Variants in OSBPL1A observed in about 807,000 individuals in gnomAD.
OSBPL1A encodes oxysterol binding protein like 1A.
A neutral mutation model predicts 137.1 loss-of-function variants in OSBPL1A; 80 were observed. That is an observed-to-expected ratio of 0.58 (90% CI 0.49 to 0.70). The LOEUF is 0.70. OSBPL1A is among the 30% of genes least tolerant of loss of function. The pLI is 0.00. For missense variants in OSBPL1A, 970 were observed against 1,129.4 expected, an observed-to-expected ratio of 0.86 and a Z score of 2.02; for synonymous variants, 365 against 389.7, an observed-to-expected ratio of 0.94 and a Z score of 0.75.
At chr18:24,323,294 T>C (rs2090900941) in intron 7 of OSBPL1A, among the ~76,000 whole-genome samples, 2 of 152,008 alleles carry the variant, frequency 1.3e-5, no homozygotes, top group African/African-American at 4.8e-5. Flanking sequence ...GGCTCATGCC[T>C]GTAATCCCAG....
intron 4 of OSBPL1A, chr18:24,357,036 G>A (rs900235289): frequency 2.0e-4 from 31 of 152,178 alleles, no homozygotes; most frequent in African/African-American, 5.8e-4. Context: ...TACAGCTTCC[G>A]CCTCATGCCA....
At chr18:24,180,793 C>A (rs184335505) in intron 19 of OSBPL1A, among the ~76,000 whole-genome samples, 220 of 152,100 alleles carry the variant, frequency 1.4e-3, no homozygotes, top group African/African-American at 4.9e-3. Context: ...AGGAGAATGG[C>A]GGGAACCTGG....
rs1176458223 is a variant in OSBPL1A at position 24,315,761 on chromosome 18, G to C, written c.870+1388C>G. Among the ~76,000 whole-genome samples the C allele has an allele frequency of 8.5e-5, 9 of 105,852 alleles. 1 individual carries two copies. The South Asian group carries it at 1.8e-3, about 21-fold the overall frequency. The allele number at this position is 105,852 out of a possible 152,430, so 69.4% of individuals were successfully genotyped here. A position where few individuals can be genotyped will look rare whatever the true frequency, so the allele number is the denominator to read the frequency against. The stretch of plus-strand genomic sequence containing the variant: ...AATAAAATATATAATATAATATATA[G>C]TATATATTATATAATAAAAAATATA... On this transcript the variant is annotated intron_variant, in intron 11 of 27. Transcript: ENST00000319481.
chr18:24,312,821 T>C (rs78694281), intron 12 of OSBPL1A, among the ~76,000 whole-genome samples: 2,432 of 152,308 alleles, frequency 0.016, 61 homozygotes, highest in African/African-American at 0.056. Context: ...GATATGTCTA[T>C]GAACACTGCT....
chr18:24,175,139 C>CGTAT (rs1567920404), intron 21 of OSBPL1A, among the ~76,000 whole-genome samples: 7 of 119,836 alleles, frequency 5.8e-5, no homozygotes, highest in African/African-American at 3.0e-4. Context: ...TATATATACA[C>CGTAT]ATATATATAT....
At chr18:24,360,711 C>T (rs144026783) in intron 4 of OSBPL1A, among the ~76,000 whole-genome samples, 518 of 152,260 alleles carry the variant, frequency 3.4e-3, no homozygotes, top group African/African-American at 0.012. Flanking sequence ...CTTGTGTCTG[C>T]GTGGGTATCT....
Position 24,200,135 on chromosome 18 carries a change from C to T in OSBPL1A, c.1602-3935G>A, listed in dbSNP as rs982056405. Reference sequence around the variant, plus strand: ...TTTTTTCCATATTGTCTTTGAAATCCAGTGTGTATCCTACACTTTTAGAGC... The same window carrying T: ...TTTTTTCCATATTGTCTTTGAAATCTAGTGTGTATCCTACACTTTTAGAGC... On this transcript the variant is annotated intron_variant, in intron 17 of 27. Coordinates refer to ENST00000319481, the MANE Select transcript of OSBPL1A (RefSeq NM_080597.4). Among the ~76,000 whole-genome samples, 18 of 152,108 alleles carry T rather than the reference C, an allele frequency of 1.2e-4. 1 individual carries two copies. The highest frequency in any genetic ancestry group is 3.4e-4 in the African/African-American group (14 of 41,402).
At chr18:24,185,388 C>A (rs544097168) in intron 18 of OSBPL1A, among the ~76,000 whole-genome samples, 1 of 148,722 alleles carries the variant, frequency 6.7e-6, no homozygotes, top group Non-Finnish European at 1.5e-5. Context: ...AGTGCAATGG[C>A]GGCTCACTGC....
chr18:24,393,365 G>A (rs1346434870), intron 1 of OSBPL1A, among the ~76,000 whole-genome samples: 1 of 152,254 alleles, frequency 6.6e-6, no homozygotes. Context: ...CAAAGGCAAA[G>A]TTACTTGCCA....
intron 14 of OSBPL1A, among the ~76,000 whole-genome samples, chr18:24,294,082 A>G (rs902960003): frequency 1.3e-5 from 2 of 151,738 alleles, no homozygotes; most frequent in Admixed American, 6.6e-5. Flanking sequence ...CTTGAGTTCG[A>G]CTATTTTGCT....
chr18:24,210,254 G>A (rs1005623985), intron 17 of OSBPL1A, among the ~76,000 whole-genome samples: 11 of 151,978 alleles, frequency 7.2e-5, no homozygotes, highest in Non-Finnish European at 1.2e-4. Flanking sequence ...TTGAAACCCC[G>A]TCTCTACTAA....
chr18:24,232,494 A>G (rs2088312251), intron 16 of OSBPL1A, among the ~76,000 whole-genome samples: 1 of 152,202 alleles, frequency 6.6e-6, no homozygotes. Context: ...GTTTTCTACA[A>G]TTTGTAACAT....
intron 15 of OSBPL1A, among the ~76,000 whole-genome samples, chr18:24,275,885 G>A (rs1158654020): frequency 6.6e-6 from 1 of 151,878 alleles, no homozygotes; most frequent in Non-Finnish European, 1.5e-5. Context: ...CTGCCACCAC[G>A]CCTGGCTAAT....
intron 2 of OSBPL1A, among the ~76,000 whole-genome samples, chr18:24,374,392 G>A (rs1009877286): frequency 6.6e-6 from 1 of 152,016 alleles, no homozygotes; most frequent in Non-Finnish European, 1.5e-5. Context: ...AGGAACTGTG[G>A]AAGAAAAAAA....
intron 15 of OSBPL1A, among the ~76,000 whole-genome samples, chr18:24,267,844 C>CTT (rs576043512): frequency 7.0e-6 from 1 of 142,040 alleles, no homozygotes; most frequent in Non-Finnish European, 1.5e-5. Flanking sequence ...AGAGGTATGC[C>CTT]TTTTTTTTTT....
At chr18:24,365,657 G>A (rs1433521746) in intron 4 of OSBPL1A, among the ~76,000 whole-genome samples, 1 of 152,082 alleles carries the variant, frequency 6.6e-6, no homozygotes, top group Non-Finnish European at 1.5e-5. Flanking sequence ...TGGTACCCTG[G>A]GGCATGGGAA....
At chr18:24,223,224 T>C (rs893169229) in intron 17 of OSBPL1A, among the ~76,000 whole-genome samples, 1 of 152,124 alleles carries the variant, frequency 6.6e-6, no homozygotes, top group Non-Finnish European at 1.5e-5. Flanking sequence ...AGGGATGTGA[T>C]AGCACTGAAT....
intron 14 of OSBPL1A, among the ~76,000 whole-genome samples, chr18:24,303,077 T>C (rs2090434004): frequency 6.6e-6 from 1 of 152,058 alleles, no homozygotes; most frequent in Admixed American, 6.6e-5. Flanking sequence ...CTCAGCTCAC[T>C]GCAACCTCTG....
chr18:24,377,486 G>C lies in OSBPL1A; in HGVS notation c.48C>G (p.Gly16=), dbSNP rs1257051601. The C allele has an allele frequency of 6.8e-6, 11 of 1,611,806 alleles. No individual in the cohort carries two copies. The African/African-American group carries it at 1.3e-4, about 20-fold the overall frequency. The part of the protein sequence containing the change: ...EQQLLHHARN[G]NAEEVRQLLE... The stretch of plus-strand genomic sequence containing the variant: ...ATAGTTGTCTTACTTCTTCAGCATT[G>C]CCATTTCTGGCGTGATGGAGAAGCT... Residue 16 remains glycine (G), a synonymous_variant, in exon 2 of 28, where the codon GGC becomes GGG. Transcript: ENST00000319481.
Sources: allele counts gnomAD v4.1 joint callset (sites outside exome capture counted in the v4.1 genomes callset), GRCh38; gene constraint gnomAD v4.1.1; transcripts MANE v1.5; gene names NCBI Gene and HGNC (gene_info 2026-07-23, HGNC 2026-07-21).